The following SRBD1 variants were observed in gnomAD, a reference collection of about 807,000 sequenced individuals.
SRBD1 encodes the protein S1 RNA binding domain 1.
SRBD1 carries 88 observed loss-of-function variants against 115.3 expected under a neutral mutation model. The ratio of observed to expected loss-of-function variants is 0.76; its 90% CI spans 0.64 to 0.91. The LOEUF (loss-of-function observed/expected upper bound fraction) is 0.91. SRBD1 is among the 40% of genes least tolerant of loss of function. The pLI is 0.00. For synonymous variants in SRBD1, 509 were observed against 407.7 expected (o/e 1.25, Z -2.99); for missense variants, 1,385 against 1,177.4 (o/e 1.18, Z -2.58).
Position 45,553,733 on chromosome 2 carries a change from G to C in SRBD1, c.1410-3C>G, listed in dbSNP as rs1352967100. 6.4e-7 allele frequency: 1 copy of C among 1,557,314 alleles called. No homozygotes were observed. Among genetic ancestry groups the C allele is most frequent in the Non-Finnish European group, 8.7e-7 (1 of 1,154,452 alleles). ...TTGCAAAGCTACGTGGTCTCCACCT[G>C]CAAAACAGAAAAGCCCACACTAAAA... On this transcript the variant is annotated splice_polypyrimidine_tract_variant and splice_region_variant and intron_variant, in intron 10 of 20. Transcript: ENST00000263736.
Position 45,421,506 on chromosome 2 carries a change from CAAACAAAAAAAAAAAAAAA to C in SRBD1, c.2050-1631_2050-1613del, listed in dbSNP as rs1668003445. Among the ~76,000 whole-genome samples the C allele has an allele frequency of 2.7e-4, 13 of 48,088 alleles. No homozygotes were observed. In the South Asian group the frequency reaches 2.9e-3, roughly 11 times the overall value. 31.5% of individuals were successfully genotyped at this position (48,088 alleles called of 152,430 possible). Reference sequence around the variant, plus strand: ...TGGGTGACGGTGTGAGACTCCGTCTCAAACAAAAAAAAAAAAAAAAAAAAAAAAAAAAAAAAAAAGTCAG... The same window carrying C: ...TGGGTGACGGTGTGAGACTCCGTCTCAAAAAAAAAAAAAAAAAAAAGTCAG... On this transcript the variant is annotated intron_variant, in intron 16 of 20. Coordinates refer to ENST00000263736, the MANE Select transcript of SRBD1 (RefSeq NM_018079.5).
intron 19 of SRBD1, among the ~76,000 whole-genome samples, chr2:45,406,268 A>T (rs1667434034): frequency 6.6e-6 from 1 of 151,702 alleles, no homozygotes; most frequent in South Asian, 2.1e-4. Flanking sequence ...CAGAAGGAGT[A>T]AAAATACAGA....
chr2:45,409,075 C>T (rs904807545), intron 19 of SRBD1, among the ~76,000 whole-genome samples: 23 of 151,912 alleles, frequency 1.5e-4, no homozygotes, highest in African/African-American at 4.8e-4. Context: ...AAAAATTAGC[C>T]GGGCATGGTG....
At position 45,414,937 on chromosome 2, in the gene SRBD1, T is replaced by TG. The variant is rs1204288660; in HGVS notation, c.2334-1645_2334-1644insC. Among the ~76,000 whole-genome samples, 55 of 111,446 alleles carry TG rather than the reference T, an allele frequency of 4.9e-4. 3 individuals are homozygous for TG. The East Asian group carries it at 9.1e-3, about 18-fold the overall frequency. The allele number at this position is 111,446 out of a possible 152,430, so 73.1% of individuals were successfully genotyped here. On this transcript the variant is annotated intron_variant, in intron 18 of 20. Transcript: ENST00000263736. Reference sequence around the variant, plus strand: ...GTATATAGTATGTACACACACAGTGTTATATAGTATGTACATACACACACA... The same window carrying TG: ...GTATATAGTATGTACACACACAGTGTGTATATAGTATGTACATACACACACA...
intron 7 of SRBD1, among the ~76,000 whole-genome samples, chr2:45,577,614 T>A (rs1673220284): frequency 6.6e-6 from 1 of 152,086 alleles, no homozygotes; most frequent in Non-Finnish European, 1.5e-5. Context: ...TCAGACCAAA[T>A]GCTTACTGGT....
chr2:45,555,938 A>G (rs1233570805), intron 10 of SRBD1, among the ~76,000 whole-genome samples: 3 of 152,098 alleles, frequency 2.0e-5, no homozygotes, highest in Admixed American at 6.5e-5. Context: ...TGCCCTCTTG[A>G]ATGAAAACCA....
At chr2:45,430,286 A>T (rs1668292863) in intron 16 of SRBD1, among the ~76,000 whole-genome samples, 1 of 152,198 alleles carries the variant, frequency 6.6e-6, no homozygotes, top group South Asian at 2.1e-4. Flanking sequence ...AAATTAGAAA[A>T]AAACTACTTT....
Position 45,599,521 on chromosome 2 carries a change from C to G in SRBD1, c.576G>C (p.Gly192=), listed in dbSNP as rs759709160. 14 of 1,614,052 alleles carry G rather than the reference C, an allele frequency of 8.7e-6. No homozygotes were observed. Among genetic ancestry groups the G allele is most frequent in the Non-Finnish European group, 2.5e-6 (3 of 1,180,046 alleles). ...KKIKTETYPQ[G]QPVKFPANAN... is the part of the protein sequence containing the mutation. ...CATTTGCTGGAAACTTGACAGGCTG[C>G]CCCTGAGGATATGTCTCAGTCTTGA... Residue 192 remains glycine (G), a synonymous_variant, in exon 4 of 21, where the codon GGG becomes GGC. Transcript: ENST00000263736.
Position 45,564,985 on chromosome 2 carries a change from A to T in SRBD1, c.1306-2229T>A, listed in dbSNP as rs1347316293. 6.6e-5 allele frequency among the ~76,000 whole-genome samples: 10 copies of T among 152,324 alleles called. No homozygotes were observed. The East Asian group carries it at 1.7e-3, about 26-fold the overall frequency. ...ACATTGTTGAAAGAAATTAAAGAAGATCTAAATAAATACCCATGAACATCC... is the reference window on the plus strand; with the variant it reads ...ACATTGTTGAAAGAAATTAAAGAAGTTCTAAATAAATACCCATGAACATCC... On this transcript the variant is annotated intron_variant, in intron 9 of 20. Coordinates refer to ENST00000263736, the MANE Select transcript of SRBD1 (RefSeq NM_018079.5).
intron 14 of SRBD1, among the ~76,000 whole-genome samples, chr2:45,542,513 C>T (rs1458863279): frequency 6.6e-6 from 1 of 152,222 alleles, no homozygotes; most frequent in East Asian, 1.9e-4. Flanking sequence ...CCACAACTCC[C>T]CTGCTGCAGC....
At chr2:45,543,466 G>A (rs1410630600) in intron 14 of SRBD1, among the ~76,000 whole-genome samples, 2 of 152,186 alleles carry the variant, frequency 1.3e-5, no homozygotes, top group Non-Finnish European at 2.9e-5. Flanking sequence ...GAAATGTGCT[G>A]GTAGATATGG....
chr2:45,499,552 C>T (rs1258864681), intron 14 of SRBD1, among the ~76,000 whole-genome samples: 1 of 152,052 alleles, frequency 6.6e-6, no homozygotes, highest in Non-Finnish European at 1.5e-5. Flanking sequence ...TGAGGTCTTA[C>T]CCCAAAAATC....
intron 14 of SRBD1, among the ~76,000 whole-genome samples, chr2:45,506,090 G>C (rs902076944): frequency 1.3e-5 from 2 of 152,166 alleles, no homozygotes; most frequent in African/African-American, 4.8e-5. Flanking sequence ...CAAAGCAGGA[G>C]ATGCTGAAGA....
At chr2:45,536,482 A>T (rs1034504963) in intron 14 of SRBD1, among the ~76,000 whole-genome samples, 2 of 152,098 alleles carry the variant, frequency 1.3e-5, no homozygotes, top group African/African-American at 4.8e-5. Flanking sequence ...AAATTTTGTT[A>T]CAAAGAGTGC....
chr2:45,585,983 T>G (rs1031010875), intron 4 of SRBD1, among the ~76,000 whole-genome samples: 4 of 152,190 alleles, frequency 2.6e-5, no homozygotes, highest in Non-Finnish European at 5.9e-5. Context: ...CAATAAAATC[T>G]AATCCAAACC....
In SRBD1 at chr2:45,477,059, A is replaced by G. The variant is rs767235391; in HGVS notation, c.1983T>C (p.Arg661=). ...CTAGCTCAGCTAATGGATCTTGTAC[A>G]CGCCTTGCTATGGAAACTGAAAAAA... is the stretch of plus-strand genomic sequence containing the variant. ...NLRSAVSIAR[R]VQDPLAELVK... Residue 661 remains arginine (R), a synonymous_variant, in exon 16 of 21, where the codon CGT becomes CGC. Transcript: ENST00000263736. 3 of 1,613,668 alleles carry G rather than the reference A, an allele frequency of 1.9e-6. No homozygotes were observed. Among genetic ancestry groups the G allele is most frequent in the Middle Eastern group, 1.7e-4 (1 of 6,056 alleles).
intron 16 of SRBD1, among the ~76,000 whole-genome samples, chr2:45,424,387 T>G (rs746677994): frequency 1.3e-5 from 2 of 152,180 alleles, no homozygotes; most frequent in Admixed American, 6.5e-5. Flanking sequence ...GACCTGTTTG[T>G]GTAAAAAGGT....
chr2:45,473,522 C>T (rs1041768033), intron 16 of SRBD1, among the ~76,000 whole-genome samples: 1 of 152,134 alleles, frequency 6.6e-6, no homozygotes, highest in Non-Finnish European at 1.5e-5. Flanking sequence ...GTGAAACAAT[C>T]AGAGAAGGTT....
intron 19 of SRBD1, among the ~76,000 whole-genome samples, chr2:45,403,519 G>A (rs6544816): frequency 0.1 from 15,840 of 152,058 alleles, 1,335 homozygotes; most frequent in African/African-American, 0.23. Context: ...GGATAGAGAG[G>A]TAAAACAGGC....
Sources: gnomAD v4.1 joint callset for allele counts (sites outside exome capture counted in the v4.1 genomes callset) on GRCh38, gnomAD v4.1.1 for gene constraint, MANE v1.5 for transcripts, NCBI Gene and HGNC (gene_info 2026-07-23, HGNC 2026-07-21) for gene names.